DENND2A: variants seen among roughly 807,000 people sequenced by gnomAD.
The protein encoded by DENND2A is DENN domain containing 2A, also known as DENN domain-containing protein 2A.
In DENND2A, 53 loss-of-function variants were observed where a neutral mutation model predicts 105.3. The observed-to-expected ratio is 0.50, with a 90% CI of 0.40 to 0.63. DENND2A has a LOEUF of 0.63. Among genes scored for constraint, DENND2A ranks in the 30% least tolerant of loss-of-function variants. The pLI, the probability that DENND2A is intolerant of heterozygous loss-of-function variation, is 0.00. For missense variants in DENND2A, 1,138 were observed against 1,279.6 expected, an observed-to-expected ratio of 0.89 and a Z score of 1.69; for synonymous variants, 522 against 508.4, an observed-to-expected ratio of 1.03 and a Z score of -0.36.
chr7:140,537,046 C>G (rs1434535504), intron 14 of DENND2A, among the ~76,000 whole-genome samples: 1 of 152,216 alleles, frequency 6.6e-6, no homozygotes, highest in Non-Finnish European at 1.5e-5. Flanking sequence ...ACTAGCTAGA[C>G]CTCTGAAGTA....
rs577417815 is a variant in DENND2A, at chr7:140,626,547, ACGTT to A, written c.-248+13953_-248+13956del. ...CTTGAATGGAATGCACCCGTAGGTC[ACGTT>A]CGTTTGCTTGCTTCCTGGCACATCT... is the stretch of plus-strand genomic sequence containing the variant. On this transcript the variant is annotated intron_variant, in intron 1 of 19. Transcript: ENST00000496613. 2.4e-4 allele frequency among the ~76,000 whole-genome samples: 36 copies of A among 152,280 alleles called. No individual in the cohort carries two copies. The East Asian group carries it at 6.6e-3, about 28-fold the overall frequency.
At chr7:140,534,102 T>TTTTTTTTTTTTTTTTTTTTTTA (rs1491445966) in intron 14 of DENND2A, among the ~76,000 whole-genome samples, 1 of 132,314 alleles carries the variant, frequency 7.6e-6, no homozygotes, top group African/African-American at 2.9e-5. Flanking sequence ...TTTTTTTTTT[T>TTTTTTTTTTTTTTTTTTTTTTA]GAGATGGAGT....
Position 140,518,712 on chromosome 7 carries a change from T to C in DENND2A, c.3025A>G (p.Lys1009Glu). The C allele has an allele frequency of 1.2e-6, 2 of 1,613,774 alleles. No homozygotes were observed. The highest frequency in any genetic ancestry group is 1.7e-6 in the Non-Finnish European group (2 of 1,179,648). Residue 1009 changes from lysine (K) to glutamate (E), a missense_variant, in exon 20 of 20, where the codon AAA becomes GAA. Physicochemically the swap from Lys to Glu is moderately conservative, Grantham distance 56. This residue lies in a region of DENND2A where 627 missense variants were observed against 779.8 expected (regional missense o/e 0.80). Coordinates refer to ENST00000496613, the MANE Select transcript of DENND2A (RefSeq NM_015689.5). The part of the protein sequence containing the change: ...LGNKMKFLHK[K>E] ...TTTTCCCTTGAGGCTGAGAGTTATTTCTTGTGGAGAAATTTCATTTTATTG... is the reference window on the plus strand; with the variant it reads ...TTTTCCCTTGAGGCTGAGAGTTATTCCTTGTGGAGAAATTTCATTTTATTG...
chr7:140,627,474 G>C (rs1005777988), intron 1 of DENND2A, among the ~76,000 whole-genome samples: 3 of 151,242 alleles, frequency 2.0e-5, no homozygotes, highest in African/African-American at 7.3e-5. Flanking sequence ...TAAGTGCTGG[G>C]ATTACAGGTA....
rs188704277 is a variant in DENND2A, at chr7:140,556,484, G to A, written c.1960-771C>T. ...CTCCCGAATAGCTGGGATTACAGGC[G>A]TGTGCCACCACGCCCAGCTATTTTT... is the stretch of plus-strand genomic sequence containing the variant. On this transcript the variant is annotated intron_variant, in intron 11 of 19. Transcript: ENST00000496613. Among the ~76,000 whole-genome samples the A allele has an allele frequency of 8.7e-3, 1,320 of 151,618 alleles. 11 individuals carry two copies. Among genetic ancestry groups the A allele is most frequent in the Non-Finnish European group, 0.012 (826 of 67,910 alleles).
intron 14 of DENND2A, among the ~76,000 whole-genome samples, chr7:140,536,912 C>T (rs1796474891): frequency 6.6e-6 from 1 of 152,218 alleles, no homozygotes. Flanking sequence ...ATCAATCTGT[C>T]TCAGCCTCCC....
intron 1 of DENND2A, among the ~76,000 whole-genome samples, chr7:140,624,687 T>C (rs1259197067): frequency 1.3e-5 from 2 of 152,110 alleles, no homozygotes; most frequent in African/African-American, 2.4e-5. Flanking sequence ...TTCCATGTTC[T>C]TGAAGGCATT....
At chr7:140,623,478 C>T (rs534752618) in intron 1 of DENND2A, among the ~76,000 whole-genome samples, 1 of 151,794 alleles carries the variant, frequency 6.6e-6, no homozygotes, top group African/African-American at 2.4e-5. Context: ...GCCTGTAATC[C>T]CAGCACTTTG....
chr7:140,636,447 C>T (rs1800936107), intron 1 of DENND2A, among the ~76,000 whole-genome samples: 2 of 152,114 alleles, frequency 1.3e-5, no homozygotes, highest in Admixed American at 1.3e-4. Context: ...ACGCCAGGAA[C>T]AAGCAGGGCC....
At chr7:140,536,129 G>C (rs1019015423) in intron 14 of DENND2A, among the ~76,000 whole-genome samples, 6 of 152,088 alleles carry the variant, frequency 3.9e-5, no homozygotes, top group Non-Finnish European at 7.4e-5. Context: ...GAGGCGAGCA[G>C]ATCACTTGAG....
chr7:140,585,509 G>C (rs901298166), intron 5 of DENND2A, 80 bp downstream of exon 5: 9 of 1,586,676 alleles, frequency 5.7e-6, no homozygotes, highest in Non-Finnish European at 7.7e-6. Context: ...TGGAATTCCA[G>C]TGCTGGCCGG....
At chr7:140,578,550 G>GA (rs1798403384) in intron 5 of DENND2A, among the ~76,000 whole-genome samples, 1 of 152,126 alleles carries the variant, frequency 6.6e-6, no homozygotes, top group Non-Finnish European at 1.5e-5. Flanking sequence ...ATTCTTGCAT[G>GA]AAAAAAGAGA....
rs775027767 is a variant in DENND2A at position 140,527,462 on chromosome 7, C to T, written c.2361G>A (p.Ala787=). ...ILSKCCHAMV[A]LIYPFAWQHT... ...GCTGCCAGGCGAAGGGGTAGATCAGCGCCACCATCGCGTGGCAGCACTTGG... is the reference window on the plus strand; with the variant it reads ...GCTGCCAGGCGAAGGGGTAGATCAGTGCCACCATCGCGTGGCAGCACTTGG... The change falls in exon 15 of 20, where the codon GCG becomes GCA. Residue 787 remains alanine, a synonymous_variant. Coordinates refer to ENST00000496613, the MANE Select transcript of DENND2A (RefSeq NM_015689.5). This position sits in a 1 kb window ranked among gnomAD's most constrained non-coding sequence, Gnocchi z 4.9. The T allele has an allele frequency of 3.1e-5, 49 of 1,605,034 alleles. No individual in the cohort carries two copies. Among genetic ancestry groups the T allele is most frequent in the Middle Eastern group, 1.7e-4 (1 of 5,976 alleles).
chr7:140,610,926 T>C (rs1043037847), intron 1 of DENND2A, among the ~76,000 whole-genome samples: 6 of 152,224 alleles, frequency 3.9e-5, no homozygotes, highest in African/African-American at 1.4e-4. Flanking sequence ...AAAGGCAATC[T>C]GGAAACACCA....
chr7:140,616,775 A>G (rs1318361672), intron 1 of DENND2A, among the ~76,000 whole-genome samples: 2 of 152,188 alleles, frequency 1.3e-5, no homozygotes, highest in East Asian at 3.8e-4. Context: ...GCTGGCCTAG[A>G]GTTGAATCAT....
At chr7:140,568,643 C>A in intron 8 of DENND2A, 120 bp downstream of exon 8, 3 of 1,014,238 alleles carry the variant, frequency 3.0e-6, no homozygotes, top group Non-Finnish European at 3.1e-6. Context: ...CCCGAGATGT[C>A]CACGCCTTGC....
intron 5 of DENND2A, 120 bp from the exon 6 acceptor site, chr7:140,574,128 G>T: frequency 2.6e-6 from 3 of 1,150,314 alleles, no homozygotes; most frequent in Admixed American, 4.2e-5. Context: ...TATGTTCCCA[G>T]GTTAGGTGGA....
intron 4 of DENND2A, 61 bp downstream of exon 4, chr7:140,587,592 T>C (rs780720810): frequency 6.9e-6 from 11 of 1,603,384 alleles, no homozygotes; most frequent in Non-Finnish European, 9.4e-6. Flanking sequence ...GCCAGCCCCA[T>C]TCTCCCTCCC....
chr7:140,571,813 CTGAGA>C (rs1340057774), intron 6 of DENND2A, among the ~76,000 whole-genome samples: 1 of 152,152 alleles, frequency 6.6e-6, no homozygotes, highest in Non-Finnish European at 1.5e-5. Flanking sequence ...TTCCACTTAC[CTGAGA>C]TATTTCCAAC....
Sources: allele counts gnomAD v4.1 joint callset (sites outside exome capture counted in the v4.1 genomes callset), GRCh38; gene constraint gnomAD v4.1.1; regional missense constraint gnomAD v4.1.1; non-coding constraint Gnocchi (gnomAD v3.1); transcripts MANE v1.5; gene names NCBI Gene and HGNC (gene_info 2026-07-23, HGNC 2026-07-21).